The following JAZF1 variants were observed in gnomAD, a reference collection of about 807,000 sequenced individuals.
JAZF1 encodes JAZF zinc finger 1, also known as juxtaposed with another zinc finger protein 1.
A neutral mutation model predicts 26.4 loss-of-function variants in JAZF1; 8 were observed. The ratio of observed to expected loss-of-function variants is 0.30; its 90% CI spans 0.18 to 0.55. The LOEUF (loss-of-function observed/expected upper bound fraction) is 0.55. Among genes scored for constraint, JAZF1 ranks in the 20% least tolerant of loss-of-function variants. The probability of loss-of-function intolerance (pLI) is 0.94; values close to 1 mark genes in which losing one functional copy is unlikely to be tolerated. For synonymous variants in JAZF1, 126 were observed against 122.3 expected (o/e 1.03, Z -0.20); for missense variants, 199 against 322.0 (o/e 0.62, Z 2.92).
At chr7:27,989,061 A>C (rs1336437142) in intron 2 of JAZF1, among the ~76,000 whole-genome samples, 2 of 152,160 alleles carry the variant, frequency 1.3e-5, no homozygotes, top group Non-Finnish European at 2.9e-5. Flanking sequence ...ACAGTAACCA[A>C]AACAGCATGG....
intron 2 of JAZF1, among the ~76,000 whole-genome samples, chr7:27,910,849 G>A (rs1195088834): frequency 6.6e-6 from 1 of 152,160 alleles, no homozygotes; most frequent in Admixed American, 6.5e-5. Flanking sequence ...TGCAAACCAA[G>A]CGGTTGTTCC....
chr7:27,837,732 C>G (rs1583422839), intron 4 of JAZF1, among the ~76,000 whole-genome samples: 1 of 152,064 alleles, frequency 6.6e-6, no homozygotes, highest in East Asian at 1.9e-4. Flanking sequence ...GGACAGGGGA[C>G]CCGAATATGC....
intron 1 of JAZF1, among the ~76,000 whole-genome samples, chr7:28,028,459 T>C (rs569978873): frequency 1.3e-5 from 2 of 152,350 alleles, no homozygotes; most frequent in East Asian, 1.9e-4. Context: ...AAACTTCTTG[T>C]GTCCATTGAA....
intron 2 of JAZF1, among the ~76,000 whole-genome samples, chr7:27,910,373 T>A (rs1244120385): frequency 6.6e-6 from 1 of 152,128 alleles, no homozygotes; most frequent in East Asian, 1.9e-4. Flanking sequence ...TCAGGGGGTA[T>A]GTGTGTGTTT....
rs5883106 is a variant in JAZF1 at position 27,889,932 on chromosome 7, C to CAA, written c.385+5286_385+5287dup. Among the ~76,000 whole-genome samples the CAA allele has an allele frequency of 9.8e-4, 142 of 145,104 alleles. 1 individual carries two copies. Among genetic ancestry groups the CAA allele is most frequent in the East Asian group, 4.7e-3 (23 of 4,938 alleles). On this transcript the variant is annotated intron_variant, in intron 3 of 4. Transcript: ENST00000283928. Reference sequence around the variant, plus strand: ...TGAGTGATAGAGTGAGACTTTCTCTCAAAAAAAAAAAAAAAATTGAGATCA... The same window carrying CAA: ...TGAGTGATAGAGTGAGACTTTCTCTCAAAAAAAAAAAAAAAAAATTGAGATCA...
chr7:28,103,058 C>T (rs560628519), intron 1 of JAZF1, among the ~76,000 whole-genome samples: 4 of 152,264 alleles, frequency 2.6e-5, no homozygotes, highest in Admixed American at 6.5e-5. Flanking sequence ...GCCCCAGTGG[C>T]AACACTTGCT....
chr7:28,092,847 T>C (rs896477352), intron 1 of JAZF1, among the ~76,000 whole-genome samples: 2 of 149,582 alleles, frequency 1.3e-5, no homozygotes, highest in Non-Finnish European at 3.0e-5. Context: ...GGCAGTAGAG[T>C]GAGGCCCTGT....
intron 2 of JAZF1, among the ~76,000 whole-genome samples, chr7:27,933,127 G>A (rs889587991): frequency 6.6e-6 from 1 of 152,182 alleles, no homozygotes; most frequent in Non-Finnish European, 1.5e-5. Flanking sequence ...GATGTCCCTG[G>A]TAAAAGCAGG....
rs1259812270 is a variant in JAZF1 at position 27,840,431 on chromosome 7, A to T, written c.555+267T>A. Among the ~76,000 whole-genome samples the T allele has an allele frequency of 2.0e-5, 3 of 152,234 alleles. No individual in the cohort carries two copies. The highest frequency in any genetic ancestry group is 4.4e-5 in the Non-Finnish European group (3 of 68,036). On this transcript the variant is annotated intron_variant, in intron 4 of 4. Coordinates refer to ENST00000283928, the MANE Select transcript of JAZF1 (RefSeq NM_175061.4). The surrounding 1 kb of genome is among the most constrained non-coding windows in gnomAD (Gnocchi z 5.1). ...GAATTTGAAGACTATCAAAGACATGATCCTCCTACAAAAGCTCTCTCTTGA... is the reference window on the plus strand; with the variant it reads ...GAATTTGAAGACTATCAAAGACATGTTCCTCCTACAAAAGCTCTCTCTTGA...
chr7:27,918,251 C>T (rs962590505), intron 2 of JAZF1, among the ~76,000 whole-genome samples: 1 of 152,110 alleles, frequency 6.6e-6, no homozygotes, highest in East Asian at 1.9e-4. Context: ...TTTAATTATT[C>T]GTTTTTTTCC....
At chr7:27,937,940 A>G (rs1583471091) in intron 2 of JAZF1, among the ~76,000 whole-genome samples, 2 of 152,282 alleles carry the variant, frequency 1.3e-5, no homozygotes, top group South Asian at 2.1e-4. Context: ...CATTTTCTTT[A>G]GCAACTTTTT....
At chr7:27,919,217 G>A (rs942433150) in intron 2 of JAZF1, among the ~76,000 whole-genome samples, 7 of 152,100 alleles carry the variant, frequency 4.6e-5, no homozygotes, top group Non-Finnish European at 8.8e-5. Flanking sequence ...TCTTAGGAGA[G>A]GAAATGCTCA....
chr7:27,974,915 C>T (rs1416665289), intron 2 of JAZF1, among the ~76,000 whole-genome samples: 2 of 148,294 alleles, frequency 1.3e-5, no homozygotes, highest in South Asian at 2.1e-4. Flanking sequence ...GATGGAGTCT[C>T]GCCTCTGTCA....
intron 3 of JAZF1, chr7:27,843,730 A>G (rs1213102537): frequency 1.3e-5 from 2 of 152,238 alleles, no homozygotes; most frequent in Admixed American, 1.3e-4. Flanking sequence ...GGCTCAGAGC[A>G]CTGTGAGCCC....
chr7:28,159,725 C>T (rs183823836), intron 1 of JAZF1, among the ~76,000 whole-genome samples: 2 of 152,222 alleles, frequency 1.3e-5, no homozygotes, highest in East Asian at 1.9e-4. Context: ...TCTTCAGCCT[C>T]CTTACCAACT....
chr7:27,924,226 C>T (rs1332342797), intron 2 of JAZF1, among the ~76,000 whole-genome samples: 5 of 152,120 alleles, frequency 3.3e-5, no homozygotes, highest in Non-Finnish European at 5.9e-5. Context: ...TACAGGCGCC[C>T]GCCACCATGC....
At chr7:27,969,614 G>A (rs2106922) in intron 2 of JAZF1, among the ~76,000 whole-genome samples, 56,595 of 151,948 alleles carry the variant, frequency 0.37, 11,374 homozygotes, top group Non-Finnish European at 0.44. Flanking sequence ...TGCTTAGGGT[G>A]GAGTGAAAAA....
rs1368873651 is a variant in JAZF1, at chr7:27,979,405, T to TTTTTTTTTTTTTTTTTTTTTTTTTTTTC, written c.188+12503_188+12504insGAAAAAAAAAAAAAAAAAAAAAAAAAAA. Among the ~76,000 whole-genome samples, 2 of 84,190 alleles carry TTTTTTTTTTTTTTTTTTTTTTTTTTTTC rather than the reference T, an allele frequency of 2.4e-5. 1 individual carries two copies. Among genetic ancestry groups the TTTTTTTTTTTTTTTTTTTTTTTTTTTTC allele is most frequent in the Admixed American group, 3.0e-4 (2 of 6,642 alleles). 55.2% of individuals were successfully genotyped at this position (84,190 alleles called of 152,430 possible). A position where few individuals can be genotyped will look rare whatever the true frequency, so the allele number is the denominator to read the frequency against. ...TTTTTTTTTTTTTTTTTTTTTTTTT[T>TTTTTTTTTTTTTTTTTTTTTTTTTTTTC]AGAAACAGAGTCTTGTTCTATCACC... On this transcript the variant is annotated intron_variant, in intron 2 of 4. Transcript: ENST00000283928.
intron 1 of JAZF1, among the ~76,000 whole-genome samples, chr7:28,058,207 A>G (rs1418434050): frequency 6.6e-6 from 1 of 152,206 alleles, no homozygotes; most frequent in Non-Finnish European, 1.5e-5. Flanking sequence ...GTTTGTATGC[A>G]AGGAACTCAG....
Sources: allele counts gnomAD v4.1 joint callset (sites outside exome capture counted in the v4.1 genomes callset), GRCh38; gene constraint gnomAD v4.1.1; non-coding constraint Gnocchi (gnomAD v3.1); transcripts MANE v1.5; gene names NCBI Gene and HGNC (gene_info 2026-07-23, HGNC 2026-07-21).